Variants in TACC2 observed in about 807,000 individuals in gnomAD.
TACC2 encodes transforming acidic coiled-coil containing protein 2.
In TACC2, 137 loss-of-function variants were observed where a neutral mutation model predicts 227.3. The ratio of observed to expected loss-of-function variants is 0.60; its 90% CI spans 0.52 to 0.69. The LOEUF is 0.69. Ranked by LOEUF, TACC2 falls within the 30% of genes least tolerant of loss-of-function variation. The pLI is 0.00. For synonymous variants in TACC2, 1,523 were observed against 1,487.5 expected, an observed-to-expected ratio of 1.02 and a Z score of -0.55; for missense variants, 3,470 against 3,694.4, an observed-to-expected ratio of 0.94 and a Z score of 1.57.
At chr10:122,062,410 G>T (rs543116662) in intron 3 of TACC2, among the ~76,000 whole-genome samples, 70 of 150,878 alleles carry the variant, frequency 4.6e-4, no homozygotes, top group Middle Eastern at 3.5e-3. Flanking sequence ...GGGTTCAAGT[G>T]ATTCTGCCTC....
chr10:122,034,210 TGG>T (rs2135864920), intron 2 of TACC2, among the ~76,000 whole-genome samples: 1 of 4,620 alleles, frequency 2.2e-4, no homozygotes, highest in Non-Finnish European at 3.9e-4. Flanking sequence ...GTTAGGTGGG[TGG>T]TGCACTTGAT....
At chr10:122,094,571 C>A (rs2081176760) in intron 5 of TACC2, among the ~76,000 whole-genome samples, 1 of 152,194 alleles carries the variant, frequency 6.6e-6, no homozygotes, top group Admixed American at 6.5e-5. Context: ...CATGAGCCAC[C>A]ATGCCCGACC....
chr10:122,132,910 G>A (rs2088657495), intron 6 of TACC2, among the ~76,000 whole-genome samples, 176 bp downstream of exon 6: 1 of 152,030 alleles, frequency 6.6e-6, no homozygotes, highest in African/African-American at 2.4e-5. Flanking sequence ...GCCAGAGTTG[G>A]GGCCTCTTCT....
intron 11 of TACC2, among the ~76,000 whole-genome samples, chr10:122,222,641 A>G (rs1378405330): frequency 6.6e-6 from 1 of 152,224 alleles, no homozygotes; most frequent in Non-Finnish European, 1.5e-5. Context: ...TCCGTGACCT[A>G]AAACTCACCC....
chr10:122,048,932 C>T (rs911731062), intron 2 of TACC2, among the ~76,000 whole-genome samples: 1 of 152,158 alleles, frequency 6.6e-6, no homozygotes, highest in African/African-American at 2.4e-5. Context: ...TTCTGGCAAA[C>T]TCTGAGTTAA....
intron 1 of TACC2, among the ~76,000 whole-genome samples, chr10:122,009,000 G>A (rs985200662): frequency 6.6e-6 from 1 of 152,174 alleles, no homozygotes; most frequent in African/African-American, 2.4e-5. Context: ...AATAATGCTA[G>A]ACCAATGTAG....
intron 16 of TACC2, among the ~76,000 whole-genome samples, chr10:122,232,396 G>A (rs941740740): frequency 2.0e-5 from 3 of 152,174 alleles, no homozygotes; most frequent in African/African-American, 7.2e-5. Flanking sequence ...TTTGGAGAGC[G>A]GCCAGAGATG....
At chr10:122,062,932 G>T (rs2076995431) in intron 3 of TACC2, among the ~76,000 whole-genome samples, 1 of 152,090 alleles carries the variant, frequency 6.6e-6, no homozygotes, top group Non-Finnish European at 1.5e-5. Flanking sequence ...GACCCAAGGG[G>T]GCCTTATGAG....
intron 14 of TACC2, 148 bp downstream of exon 14, chr10:122,228,156 T>C: frequency 1.3e-6 from 1 of 768,886 alleles, no homozygotes; most frequent in Non-Finnish European, 2.1e-6. Context: ...GAAGCCAACC[T>C]GGGAAATCCC....
At chr10:122,036,687 T>C (rs767704275) in intron 2 of TACC2, among the ~76,000 whole-genome samples, 2 of 151,982 alleles carry the variant, frequency 1.3e-5, no homozygotes, top group African/African-American at 4.8e-5. Flanking sequence ...TTTTGGTAGA[T>C]GGACAGTTGA....
chr10:122,096,270 TC>T (rs1211181081), intron 5 of TACC2, among the ~76,000 whole-genome samples: 2 of 152,138 alleles, frequency 1.3e-5, no homozygotes, highest in African/African-American at 4.8e-5. Context: ...TGACCTCACA[TC>T]CAGGCCTGCG....
intron 18 of TACC2, among the ~76,000 whole-genome samples, chr10:122,239,195 G>GAT (rs1365827272): frequency 6.6e-6 from 1 of 152,146 alleles, no homozygotes; most frequent in African/African-American, 2.4e-5. Flanking sequence ...TTTTAGTAGA[G>GAT]ATGGGGTTTT....
At position 122,068,854 on chromosome 10, in the gene TACC2, T is replaced by C. The variant is rs1354130848; in HGVS notation, c.147-13793T>C. 6.5e-3 allele frequency among the ~76,000 whole-genome samples: 584 copies of C among 89,920 alleles called. 16 individuals carry two copies. The highest frequency in any genetic ancestry group is 7.2e-3 in the Non-Finnish European group (316 of 43,880). 59.0% of individuals were successfully genotyped at this position (89,920 alleles called of 152,430 possible). ...TTTTTCTGTCTGTGTGACCTAGAAG[T>C]TTTTTTTTTTTTTTTTTGTATTTTT... On this transcript the variant is annotated intron_variant, in intron 3 of 22. Transcript: ENST00000369005.
chr10:122,116,157 G>T (rs2084664405), intron 5 of TACC2, among the ~76,000 whole-genome samples: 1 of 152,130 alleles, frequency 6.6e-6, no homozygotes, highest in Admixed American at 6.6e-5. Flanking sequence ...GAAGACCCAG[G>T]GAAACCAAAG....
At chr10:122,212,969 C>T (rs1226959119) in intron 9 of TACC2, among the ~76,000 whole-genome samples, 2 of 152,206 alleles carry the variant, frequency 1.3e-5, no homozygotes, top group Admixed American at 1.3e-4. Flanking sequence ...CAACCTTAGC[C>T]GCCACCTCTT....
chr10:122,058,837 A>T (rs2076472496), intron 3 of TACC2, among the ~76,000 whole-genome samples: 1 of 151,882 alleles, frequency 6.6e-6, no homozygotes, highest in South Asian at 2.1e-4. Flanking sequence ...AAACACTGGG[A>T]CATCTAAAGT....
chr10:122,081,623 ATAGT>A (rs1232403889), intron 3 of TACC2, among the ~76,000 whole-genome samples: 1 of 151,872 alleles, frequency 6.6e-6, no homozygotes, highest in Non-Finnish European at 1.5e-5. Flanking sequence ...TAATAACTGG[ATAGT>A]TAGTTATCTG....
At chr10:121,993,609 T>C (rs1953132414) in intron 1 of TACC2, among the ~76,000 whole-genome samples, 1 of 151,986 alleles carries the variant, frequency 6.6e-6, no homozygotes, top group Non-Finnish European at 1.5e-5. Flanking sequence ...GGGGCTTTTG[T>C]TTGTTTGTTT....
At chr10:122,059,217 C>T (rs924431612) in intron 3 of TACC2, among the ~76,000 whole-genome samples, 13 of 151,970 alleles carry the variant, frequency 8.6e-5, no homozygotes, top group Non-Finnish European at 1.5e-5. Context: ...CACCCGGGCT[C>T]CATCTGTGTT....
Sources: allele counts gnomAD v4.1 joint callset (sites outside exome capture counted in the v4.1 genomes callset), GRCh38; gene constraint gnomAD v4.1.1; transcripts MANE v1.5; gene names NCBI Gene and HGNC (gene_info 2026-07-23, HGNC 2026-07-21).